The following PIWIL1 variants were observed in gnomAD, a reference collection of about 807,000 sequenced individuals.
PIWIL1 encodes piwi like RNA-mediated gene silencing 1, also known as piwi-like protein 1.
Under a neutral mutation model 114.4 loss-of-function variants are expected in PIWIL1, and 73 were observed. The observed-to-expected ratio is 0.64, with a 90% CI of 0.53 to 0.78. The LOEUF (loss-of-function observed/expected upper bound fraction) is 0.78. PIWIL1 is among the 30% of genes least tolerant of loss of function. The pLI is 0.00. For missense variants in PIWIL1, 723 were observed against 1,063.1 expected, an observed-to-expected ratio of 0.68 and a Z score of 4.45; for synonymous variants, 375 against 369.0, an observed-to-expected ratio of 1.02 and a Z score of -0.19.
At chr12:130,409,451 T>G in the PIWIL1 span, among the ~76,000 whole-genome samples, 2 of 147,476 alleles carry the variant, frequency 1.4e-5, no homozygotes, top group African/African-American at 2.5e-5. Context: ...CATGCGATTC[T>G]CCTGCTTCGG....
In PIWIL1 at chr12:130,346,375, T is replaced by G; in HGVS notation, c.322T>G (p.Ser108Ala). ...DHVKESKTGSSGIIVRLSTNH... is the reference protein window; with the variant it reads ...DHVKESKTGSAGIIVRLSTNH... ...ACTATAACTTCCTTTTCCAGGTTCT[T>G]CAGGCATTATAGTAAGGTTAAGCAC... Residue 108 changes from serine (S) to alanine (A), a missense_variant, in exon 5 of 21, where the codon TCA (serine) becomes GCA (alanine). Transcript: ENST00000245255. 1 of 1,609,638 alleles carries G rather than the reference T, an allele frequency of 6.2e-7. No individual in the cohort carries two copies. The highest frequency in any genetic ancestry group is 2.2e-5 in the East Asian group (1 of 44,816).
chr12:130,367,091 T>C (rs1449265492), intron 18 of PIWIL1, 42 bp from the exon 19 acceptor site: 1 of 1,608,178 alleles, frequency 6.2e-7, no homozygotes, highest in Non-Finnish European at 8.5e-7. Context: ...GCCCTGAAAA[T>C]ATGACTGGCT....
intron 19 of PIWIL1, among the ~76,000 whole-genome samples, chr12:130,367,842 G>A (rs1229724645): frequency 2.0e-5 from 3 of 152,318 alleles, no homozygotes; most frequent in South Asian, 2.1e-4. Context: ...GTGTTCCCCA[G>A]GCTGGAGTGC....
intron 16 of PIWIL1, among the ~76,000 whole-genome samples, chr12:130,362,506 T>C (rs2073542109): frequency 6.6e-6 from 1 of 152,228 alleles, no homozygotes; most frequent in African/African-American, 2.4e-5. Context: ...AGCTAAATTC[T>C]GTTTTCTCCC....
chr12:130,342,550 G>A (rs1276617745), intron 1 of PIWIL1, 30 bp from the exon 2 acceptor site: 1 of 1,295,208 alleles, frequency 7.7e-7, no homozygotes, highest in Non-Finnish European at 1.1e-6. Flanking sequence ...CCTCCATTGA[G>A]TATTGTCTTC....
the PIWIL1 span, chr12:130,399,096 T>G: frequency 1.5e-6 from 2 of 1,339,818 alleles, no homozygotes; most frequent in East Asian, 5.5e-5. Flanking sequence ...TTTATCGGTA[T>G]CTTCAGTTGC....
chr12:130,402,107 T>C, the PIWIL1 span, among the ~76,000 whole-genome samples: 7 of 152,334 alleles, frequency 4.6e-5, no homozygotes, highest in South Asian at 4.1e-4. Flanking sequence ...ACATGTACCA[T>C]GTCACTCCCT....
At chr12:130,340,678 G>GTGGTGC (rs1565938009) in intron 1 of PIWIL1, among the ~76,000 whole-genome samples, 1 of 141,712 alleles carries the variant, frequency 7.1e-6, no homozygotes, top group African/African-American at 3.1e-5. Flanking sequence ...GGTGGTGGTG[G>GTGGTGC]TGCTGCTGCT....
the PIWIL1 span, chr12:130,424,415 C>T: frequency 1.8e-4 from 224 of 1,232,740 alleles, no homozygotes; most frequent in African/African-American, 5.4e-4. The surrounding 1 kb of genome is among the most constrained non-coding windows in gnomAD (Gnocchi z 9.8). Flanking sequence ...GCCTCGGGCC[C>T]CTCCTGCAGG....
At chr12:130,402,872 GATACCGAGATGCTGGGCT>G in the PIWIL1 span, among the ~76,000 whole-genome samples, 1 of 152,222 alleles carries the variant, frequency 6.6e-6, no homozygotes, top group Non-Finnish European at 1.5e-5. Context: ...TAAGGTTTCA[GATACCGAGATGCTGGGCT>G]ATAGCAAGAA....
the PIWIL1 span, chr12:130,406,071 T>C: frequency 1.3e-6 from 1 of 750,372 alleles, no homozygotes. Context: ...ATGACGTTCA[T>C]GCCCAATTTT....
intron 12 of PIWIL1, 48 bp downstream of exon 12, chr12:130,355,715 T>TCAAAAA: frequency 1.5e-6 from 2 of 1,291,106 alleles, no homozygotes; most frequent in African/African-American, 1.5e-5. Flanking sequence ...AGACGGAGTC[T>TCAAAAA]CGCTCTGTCC....
At chr12:130,412,187 GAA>G in the PIWIL1 span, among the ~76,000 whole-genome samples, 4 of 152,146 alleles carry the variant, frequency 2.6e-5, no homozygotes, top group African/African-American at 9.7e-5. Context: ...AAACTAAAGA[GAA>G]AAGAGCTTGT....
chr12:130,381,298 C>T, the PIWIL1 span, among the ~76,000 whole-genome samples: 6 of 152,132 alleles, frequency 3.9e-5, no homozygotes, highest in African/African-American at 1.4e-4. Context: ...CTTTCATGGC[C>T]CTAACACCTC....
chr12:130,346,253 T>C, intron 4 of PIWIL1, 117 bp from the exon 5 acceptor site: 1 of 711,272 alleles, frequency 1.4e-6, no homozygotes, highest in Non-Finnish European at 2.3e-6. Context: ...ACTTTCATGT[T>C]GTCTGCTGCT....
At chr12:130,397,262 G>T in the PIWIL1 span, 3 of 396,044 alleles carry the variant, frequency 7.6e-6, no homozygotes, top group Non-Finnish European at 1.3e-5. Flanking sequence ...TGTCAGGGGA[G>T]AAGATTGGGT....
the PIWIL1 span, chr12:130,424,406 C>T: frequency 3.2e-6 from 4 of 1,232,722 alleles, no homozygotes; most frequent in Non-Finnish European, 4.0e-6. This position sits in a 1 kb window ranked among gnomAD's most constrained non-coding sequence, Gnocchi z 9.8. Flanking sequence ...CCAGCAGCGG[C>T]CTCGGGCCCC....
At chr12:130,424,445 G>A in the PIWIL1 span, 4 of 1,232,282 alleles carry the variant, frequency 3.2e-6, no homozygotes, top group Non-Finnish European at 4.0e-6. The surrounding 1 kb of genome is among the most constrained non-coding windows in gnomAD (Gnocchi z 9.8). Context: ...CAGGGCCTGG[G>A]CTGCACGCGG....
At chr12:130,393,529 G>GAATACTGAATGTTGTGATGGCCCGGTTGC in the PIWIL1 span, among the ~76,000 whole-genome samples, 1 of 148,230 alleles carries the variant, frequency 6.7e-6, no homozygotes, top group African/African-American at 2.5e-5. Flanking sequence ...TCACGTGGGT[G>GAATACTGAATGTTGTGATGGCCCGGTTGC]CATCAGTTCT....
Sources: gnomAD v4.1 joint callset for allele counts (sites outside exome capture counted in the v4.1 genomes callset) on GRCh38, gnomAD v4.1.1 for gene constraint, Gnocchi (gnomAD v3.1) non-coding constraint, MANE v1.5 for transcripts, NCBI Gene and HGNC (gene_info 2026-07-23, HGNC 2026-07-21) for gene names.